The following PLEKHG5 variants were observed in gnomAD, a reference collection of about 807,000 sequenced individuals.
PLEKHG5 encodes pleckstrin homology and RhoGEF domain containing G5, also known as pleckstrin homology domain-containing family G member 5.
In PLEKHG5, 52 loss-of-function variants were observed where a neutral mutation model predicts 103.8. The observed-to-expected ratio is 0.50, with a 90% confidence interval of 0.40 to 0.63. The LOEUF is 0.63. Among genes scored for constraint, PLEKHG5 ranks in the 30% least tolerant of loss-of-function variants. The pLI, the probability that PLEKHG5 is intolerant of heterozygous loss-of-function variation, is 0.00. For missense variants in PLEKHG5, 1,205 were observed against 1,347.6 expected (o/e 0.89, Z 1.66); for synonymous variants, 592 against 575.5 (o/e 1.03, Z -0.41).
chr1:6,475,637 C>G, intron 3 of PLEKHG5, 115 bp from the exon 4 acceptor site: 1 of 924,304 alleles, frequency 1.1e-6, no homozygotes, highest in Non-Finnish European at 1.8e-6. Context: ...ACAGGTAACC[C>G]GCGTGGATTC....
chr1:6,494,522 T>C (rs1016767318), upstream of PLEKHG5, among the ~76,000 whole-genome samples: 1 of 152,092 alleles, frequency 6.6e-6, no homozygotes, highest in African/African-American at 2.4e-5. Flanking sequence ...CCTCAGCCTC[T>C]CACAGTGCTG....
rs1318936691 is a variant in PLEKHG5 at position 6,491,351 on chromosome 1, C to G, written c.-88+286G>C. ...AACCTCCAGACTGCCCCACACAACC[C>G]TTGGGGCTGGGCCTATACTAGGGCA... On this transcript the variant is annotated intron_variant, in intron 1 of 20. Transcript: ENST00000377728. This position sits in a 1 kb window ranked among gnomAD's most constrained non-coding sequence, Gnocchi z 4.1. Among the ~76,000 whole-genome samples the G allele has an allele frequency of 6.6e-6, 1 of 152,186 alleles. No individual in the cohort carries two copies. Among genetic ancestry groups the G allele is most frequent in the African/African-American group, 2.4e-5 (1 of 41,434 alleles).
upstream of PLEKHG5, chr1:6,497,573 C>G (rs1047688701): frequency 6.5e-6 from 1 of 152,820 alleles, no homozygotes; most frequent in East Asian, 1.9e-4. The surrounding 1 kb of genome is among the most constrained non-coding windows in gnomAD (Gnocchi z 6.1). Flanking sequence ...CGCTGCGGTC[C>G]GGAGGCTGCC....
rs1207111682 is a variant in PLEKHG5 at position 6,486,216 on chromosome 1, A to G, written c.-88+5421T>C. On this transcript the variant is annotated intron_variant, in intron 1 of 20. Coordinates refer to ENST00000377728, the MANE Select transcript of PLEKHG5 (RefSeq NM_020631.6). The surrounding 1 kb of genome is among the most constrained non-coding windows in gnomAD (Gnocchi z 5.3). ...CCCAGCAAGGGAGCTCTTAGAATAC[A>G]GGCACCAGAAGGGGGAGGCCAGGAT... Among the ~76,000 whole-genome samples, 1 of 151,832 alleles carries G rather than the reference A, an allele frequency of 6.6e-6. No homozygotes were observed. Among genetic ancestry groups the G allele is most frequent in the African/African-American group, 2.4e-5 (1 of 41,288 alleles).
chr1:6,509,356 C>A (rs1469616886), intron 1 of PLEKHG5, among the ~76,000 whole-genome samples: 1 of 152,258 alleles, frequency 6.6e-6, no homozygotes, highest in Non-Finnish European at 1.5e-5. Flanking sequence ...CCGTTCCTGG[C>A]AATGGCCTTG....
intron 1 of PLEKHG5, among the ~76,000 whole-genome samples, chr1:6,479,265 G>A (rs558692855): frequency 7.0e-4 from 105 of 149,462 alleles, no homozygotes; most frequent in African/African-American, 2.2e-3. Context: ...CGTGGCATTT[G>A]GTTATGTCTG....
At position 6,468,303 on chromosome 1, in the gene PLEKHG5, C is replaced by G. The variant is rs1644457025; in HGVS notation, c.2533G>C (p.Glu845Gln). The G allele has an allele frequency of 6.2e-7, 1 of 1,609,624 alleles. No individual in the cohort carries two copies. Among genetic ancestry groups the G allele is most frequent in the Non-Finnish European group, 8.5e-7 (1 of 1,178,554 alleles). Reference sequence around the variant, plus strand: ...GGAGGGGAAGGAACTCGTGGGGACTCTGGGGCCCGAGGCACTAGCTCTGCC... The same window carrying G: ...GGAGGGGAAGGAACTCGTGGGGACTGTGGGGCCCGAGGCACTAGCTCTGCC... ...PMAELVPRAP[E>Q]SPRVPSPPPS... The change falls in exon 20 of 21, where the codon GAG (glutamate) becomes CAG (glutamine). Residue 845 changes from glutamate to glutamine, a missense_variant. Physicochemically the swap from Glu to Gln is conservative, Grantham distance 29. Transcript: ENST00000377728.
chr1:6,491,550 G>T lies in PLEKHG5; in HGVS notation c.-88+87C>A. The T allele has an allele frequency of 3.1e-6, 2 of 642,908 alleles. No individual in the cohort carries two copies. The highest frequency in any genetic ancestry group is 6.9e-5 in the South Asian group (1 of 14,450). 39.8% of individuals were successfully genotyped at this position (642,908 alleles called of 1,614,324 possible). ...CACTTCCAGAGATGGCCCAAACCTG[G>T]CCATTCCCTGGGGCATCCTGGTCTG... On this transcript the variant is annotated intron_variant, in intron 1 of 20. Transcript: ENST00000377728. The surrounding 1 kb of genome is among the most constrained non-coding windows in gnomAD (Gnocchi z 4.1).
Position 6,501,775 on chromosome 1 carries a change from G to A in PLEKHG5, c.-164-5206C>T, listed in dbSNP as rs974037489. Among the ~76,000 whole-genome samples, 2 of 152,168 alleles carry A rather than the reference G, an allele frequency of 1.3e-5. No individual in the cohort carries two copies. The highest frequency in any genetic ancestry group is 2.9e-5 in the Non-Finnish European group (2 of 68,026). ...CCCATGGGGCCTGACACAATTAGCT[G>A]TCTGGAAAACGTGAATTGGTCCCCC... On this transcript the variant is annotated intron_variant, in intron 1 of 21. Coordinates refer to the PLEKHG5 transcript ENST00000377740. This position sits in a 1 kb window ranked among gnomAD's most constrained non-coding sequence, Gnocchi z 4.3.
At position 6,469,440 on chromosome 1, in the gene PLEKHG5, G is replaced by T; in HGVS notation, c.1944C>A (p.Leu648=). ...TGTGAAACTCATTCAGGTAGATAAG[G>T]AGGAAGGACCCTGGTTAGGGAAGGC... is the stretch of plus-strand genomic sequence containing the variant. ...CRELRDPGSF[L]LIYLNEFHSA... Residue 648 remains leucine, a synonymous_variant, in exon 18 of 21, where the codon CTC becomes CTA. Coordinates refer to ENST00000377728, the MANE Select transcript of PLEKHG5 (RefSeq NM_020631.6). 1 of 1,614,048 alleles carries T rather than the reference G, an allele frequency of 6.2e-7. No individual in the cohort carries two copies. The highest frequency in any genetic ancestry group is 8.5e-7 in the Non-Finnish European group (1 of 1,180,006).
At chr1:6,482,374 G>A (rs1041510874) in intron 1 of PLEKHG5, among the ~76,000 whole-genome samples, 6 of 152,322 alleles carry the variant, frequency 3.9e-5, no homozygotes, top group East Asian at 1.9e-4. Context: ...GGAGAGAGGC[G>A]CTGAAGAGTT....
chr1:6,469,694 G>C lies in PLEKHG5; in HGVS notation c.1801-18C>G, dbSNP rs770771881. On this transcript the variant is annotated intron_variant, in intron 16 of 20. Transcript: ENST00000377728. ...ACATCCATCTGCAGTGGCAGGAGGG[G>C]GGGTGGCCAGAGAGGCCAGCAGGGT... is the stretch of plus-strand genomic sequence containing the variant. The C allele has an allele frequency of 1.4e-5, 23 of 1,610,368 alleles. No individual in the cohort carries two copies. The highest frequency in any genetic ancestry group is 1.9e-4 in the Middle Eastern group (1 of 5,330).
intron 1 of PLEKHG5, among the ~76,000 whole-genome samples, chr1:6,478,886 C>T (rs1309836072): frequency 2.0e-5 from 3 of 152,044 alleles, no homozygotes; most frequent in Non-Finnish European, 4.4e-5. Context: ...TCAGGTGATC[C>T]GCCTGCCTCG....
upstream of PLEKHG5, among the ~76,000 whole-genome samples, chr1:6,499,889 T>C (rs536215748): frequency 2.9e-4 from 44 of 152,264 alleles, no homozygotes; most frequent in African/African-American, 9.6e-4. Flanking sequence ...AGCCTCGACC[T>C]CCTGGGCACA....
At position 6,475,056 on chromosome 1, in the gene PLEKHG5, T is replaced by G. The variant is rs1212344929; in HGVS notation, c.293A>C (p.Lys98Thr). Residue 98 changes from lysine to threonine, a missense_variant, in exon 5 of 21, where the codon AAG becomes ACG. Lys to Thr is a moderately conservative substitution (Grantham distance 78). Coordinates refer to ENST00000377728, the MANE Select transcript of PLEKHG5 (RefSeq NM_020631.6). ...CCCCATCAAGCCCTACCCCAGTGAC[T>G]TCTTCTTCATGGCTGGGACGATCTC... ...ETEIVPAMKKKSLGEVLLPVF... is the reference protein window; with the variant it reads ...ETEIVPAMKKTSLGEVLLPVF... 2.5e-6 allele frequency: 4 copies of G among 1,601,080 alleles called. No individual in the cohort carries two copies. The highest frequency in any genetic ancestry group is 4.5e-5 in the East Asian group (2 of 44,794).
At chr1:6,514,598 T>A (rs1369702948) in intron 1 of PLEKHG5, among the ~76,000 whole-genome samples, 2 of 144,280 alleles carry the variant, frequency 1.4e-5, no homozygotes, top group Non-Finnish European at 3.0e-5. Flanking sequence ...TTGTCTCTAC[T>A]AAAAATACAA....
At chr1:6,497,112 C>A, upstream of PLEKHG5, 3 of 1,438,434 alleles carry the variant, frequency 2.1e-6, no homozygotes, top group Non-Finnish European at 2.8e-6. The surrounding 1 kb of genome is among the most constrained non-coding windows in gnomAD (Gnocchi z 6.1). Context: ...CAGAGCGGCG[C>A]AACCAGCGAG....
chr1:6,509,670 G>A (rs929812585), intron 1 of PLEKHG5, among the ~76,000 whole-genome samples: 16 of 152,158 alleles, frequency 1.1e-4, no homozygotes, highest in African/African-American at 3.6e-4. Flanking sequence ...CCCACTGCAG[G>A]GGTTTTCTGA....
Position 6,474,051 on chromosome 1 carries a change from C to A in PLEKHG5, c.553G>T (p.Val185Leu). Residue 185 changes from valine to leucine, a missense_variant, in exon 7 of 21, where the codon GTG (valine) becomes TTG (leucine). Coordinates refer to ENST00000377728, the MANE Select transcript of PLEKHG5 (RefSeq NM_020631.6). Reference sequence around the variant, plus strand: ...CTCTCCCGGCGGCTCTGGGCGTCCACACGCTCCAGGGCGGGGGGCCCGGTC... The same window carrying A: ...CTCTCCCGGCGGCTCTGGGCGTCCAAACGCTCCAGGGCGGGGGGCCCGGTC... ...AGTGPPALER[V>L]DAQSRRESLD... 1 of 1,611,356 alleles carries A rather than the reference C, an allele frequency of 6.2e-7. No individual in the cohort carries two copies. The highest frequency in any genetic ancestry group is 8.5e-7 in the Non-Finnish European group (1 of 1,179,246).
Sources: gnomAD v4.1 joint callset for allele counts (sites outside exome capture counted in the v4.1 genomes callset) on GRCh38, gnomAD v4.1.1 for gene constraint, Gnocchi (gnomAD v3.1) non-coding constraint, MANE v1.5 for transcripts, NCBI Gene and HGNC (gene_info 2026-07-23, HGNC 2026-07-21) for gene names.